The following ANO1 variants were observed in gnomAD, a reference collection of about 807,000 sequenced individuals.
The protein encoded by ANO1 is anoctamin 1.
In ANO1, 59 loss-of-function variants were observed where a neutral mutation model predicts 124.0. The ratio of observed to expected loss-of-function variants is 0.48; its 90% CI spans 0.39 to 0.59. The LOEUF (loss-of-function observed/expected upper bound fraction) is 0.59, where lower values mean the gene tolerates loss of function less well. Ranked by LOEUF, ANO1 falls within the 20% of genes least tolerant of loss-of-function variation. The pLI is 0.00. For synonymous variants in ANO1, 529 were observed against 532.0 expected (o/e 0.99, Z 0.08); for missense variants, 1,059 against 1,328.0 (o/e 0.80, Z 3.15).
intron 1 of ANO1, among the ~76,000 whole-genome samples, chr11:70,010,179 G>GTGTGTATATATATATATATATATATATA: frequency 6.0e-5 from 5 of 83,814 alleles, no homozygotes; most frequent in Admixed American, 1.3e-4. Flanking sequence ...GTGTGTGTGT[G>GTGTGTATATATATATATATATATATATA]TATATATATA....
intron 22 of ANO1, among the ~76,000 whole-genome samples, chr11:70,176,733 A>G (rs2048716138): frequency 1.3e-5 from 2 of 152,078 alleles, no homozygotes; most frequent in African/African-American, 4.8e-5. Context: ...CCAGTCTTTC[A>G]GGTTAATTTG....
chr11:70,078,128 A>T (rs895295024), upstream of ANO1, among the ~76,000 whole-genome samples: 1 of 152,150 alleles, frequency 6.6e-6, no homozygotes, highest in Non-Finnish European at 1.5e-5. Flanking sequence ...CACACCCGGT[A>T]TGAAAACCCT....
Position 70,103,111 on chromosome 11 carries a change from A to T in ANO1, c.487A>T (p.Asn163Tyr). The T allele has an allele frequency of 6.2e-7, 1 of 1,613,130 alleles. No homozygotes were observed. The highest frequency in any genetic ancestry group is 8.5e-7 in the Non-Finnish European group (1 of 1,179,578). The change falls in exon 3 of 26, where the codon AAC becomes TAC. Residue 163 changes from asparagine to tyrosine, a missense_variant. Asn to Tyr is a moderately radical substitution (Grantham distance 143). This residue lies in a region of ANO1 where 250 missense variants were observed against 233.1 expected (regional missense o/e 1.07). Coordinates refer to ENST00000355303, the MANE Select transcript of ANO1 (RefSeq NM_018043.7). ...VGFVKIHAPW[N>Y]VLCREAEFLK... ...GTTTGTGAAAATCCATGCCCCCTGG[A>T]ACGTGCTGTGCAGAGAGGCCGAGTT...
At chr11:69,967,839 C>T in the ANO1 span, among the ~76,000 whole-genome samples, 2 of 152,158 alleles carry the variant, frequency 1.3e-5, no homozygotes, top group East Asian at 1.9e-4. Context: ...AGTCCTAGCC[C>T]GAGGCCTGCC....
chr11:70,092,040 G>A (rs1009550901), intron 2 of ANO1, among the ~76,000 whole-genome samples: 1 of 152,156 alleles, frequency 6.6e-6, no homozygotes, highest in Non-Finnish European at 1.5e-5. Context: ...GTGCCAGCAG[G>A]GCCGCGCTCC....
At chr11:70,160,495 C>T (rs978848866) in intron 16 of ANO1, among the ~76,000 whole-genome samples, 3 of 152,158 alleles carry the variant, frequency 2.0e-5, no homozygotes, top group African/African-American at 7.2e-5. Context: ...TCTGGTCCCA[C>T]GGTATGTTTG....
chr11:70,049,328 G>C (rs1490334759), intron 1 of ANO1, among the ~76,000 whole-genome samples: 4 of 152,222 alleles, frequency 2.6e-5, no homozygotes, highest in African/African-American at 7.2e-5. Flanking sequence ...TGACTCTGCT[G>C]TTCACAGCCA....
At position 70,087,784 on chromosome 11, in the gene ANO1, C is replaced by G; in HGVS notation, c.141C>G (p.Ala47=). The G allele has an allele frequency of 6.2e-7, 1 of 1,609,284 alleles. No individual in the cohort carries two copies. The highest frequency in any genetic ancestry group is 1.3e-5 in the African/African-American group (1 of 74,972). Residue 47 remains alanine, a synonymous_variant, in exon 2 of 26, where the codon GCC becomes GCG. Transcript: ENST00000355303. The part of the protein sequence containing the change: ...LLNSLSVDPD[A]ECKYGLYFRD... ...ACTCCTTATCTGTGGACCCTGATGC[C>G]GAGTGCAAGTATGGCCTGTACTTCA...
At chr11:69,981,484 C>T (rs1465213393), upstream of ANO1, among the ~76,000 whole-genome samples, 1 of 152,222 alleles carries the variant, frequency 6.6e-6, no homozygotes, top group African/African-American at 2.4e-5. Flanking sequence ...AGGAGAAGCC[C>T]AGGCAGAGAT....
intron 11 of ANO1, among the ~76,000 whole-genome samples, chr11:70,137,287 C>T (rs930301398): frequency 3.4e-5 from 5 of 146,126 alleles, no homozygotes; most frequent in Non-Finnish European, 7.6e-5. Context: ...TCCATTGGCA[C>T]AGCCGGGAAC....
intron 14 of ANO1, among the ~76,000 whole-genome samples, chr11:70,155,669 T>A (rs1480610959): frequency 2.0e-5 from 3 of 152,232 alleles, no homozygotes; most frequent in African/African-American, 7.2e-5. Flanking sequence ...GGAGGGTGCG[T>A]GCTGGAGTCT....
intron 16 of ANO1, among the ~76,000 whole-genome samples, chr11:70,158,945 G>A (rs549464117): frequency 6.6e-6 from 1 of 152,252 alleles, no homozygotes; most frequent in South Asian, 2.1e-4. Flanking sequence ...CAGGTGCCAG[G>A]CTAGGGGGTT....
intron 1 of ANO1, among the ~76,000 whole-genome samples, chr11:69,995,270 T>C (rs1554998230): frequency 6.6e-6 from 1 of 152,054 alleles, no homozygotes; most frequent in Non-Finnish European, 1.5e-5. Flanking sequence ...CAGCTAATTT[T>C]GTATTTTTAG....
At chr11:70,047,635 A>G (rs1857282176) in intron 1 of ANO1, among the ~76,000 whole-genome samples, 3 of 152,226 alleles carry the variant, frequency 2.0e-5, no homozygotes, top group Admixed American at 2.0e-4. Context: ...TTTCTGTACA[A>G]TGGTTTGAAT....
chr11:69,987,084 C>T (rs1856057988), intron 1 of ANO1, among the ~76,000 whole-genome samples: 1 of 152,126 alleles, frequency 6.6e-6, no homozygotes, highest in Non-Finnish European at 1.5e-5. Flanking sequence ...CTGATGCGTG[C>T]CTTTCAAACA....
At chr11:70,185,535 C>G in intron 24 of ANO1, 55 bp from the exon 25 acceptor site, 3 of 1,541,696 alleles carry the variant, frequency 1.9e-6, no homozygotes, top group Non-Finnish European at 1.8e-6. Context: ...TGACTCCAGC[C>G]AGAGCCTGAG....
chr11:70,090,445 G>A (rs2044584428), intron 2 of ANO1, among the ~76,000 whole-genome samples: 1 of 152,298 alleles, frequency 6.6e-6, no homozygotes, highest in South Asian at 2.1e-4. Context: ...TTATCCTGAT[G>A]GAAAAGCTAG....
chr11:70,153,562 C>A (rs1352834781), intron 14 of ANO1, among the ~76,000 whole-genome samples: 2 of 152,202 alleles, frequency 1.3e-5, no homozygotes, highest in East Asian at 3.8e-4. Flanking sequence ...CAAACCAGCA[C>A]CCCTGAGCAA....
chr11:69,994,838 C>T (rs1239503810), intron 1 of ANO1, among the ~76,000 whole-genome samples: 8 of 152,156 alleles, frequency 5.3e-5, no homozygotes, highest in African/African-American at 1.9e-4. Context: ...ACAATCTCTT[C>T]CCCACCAGAC....
Sources: gnomAD v4.1 joint callset for allele counts (sites outside exome capture counted in the v4.1 genomes callset) on GRCh38, gnomAD v4.1.1 for gene constraint, gnomAD v4.1.1 regional missense constraint, MANE v1.5 for transcripts, NCBI Gene and HGNC (gene_info 2026-07-23, HGNC 2026-07-21) for gene names.